Variants in MME observed in about 807,000 individuals in gnomAD.
MME encodes the protein neprilysin.
In MME, 98 loss-of-function variants were observed where a neutral mutation model predicts 113.2. The ratio of observed to expected loss-of-function variants is 0.87; its 90% CI spans 0.74 to 1.02. The LOEUF (loss-of-function observed/expected upper bound fraction) is 1.02. Ranked by LOEUF, MME falls within the 50% of genes least tolerant of loss-of-function variation. The pLI is 0.00. For synonymous variants in MME, 292 were observed against 300.6 expected (o/e 0.97, Z 0.30); for missense variants, 836 against 896.0 (o/e 0.93, Z 0.86).
At chr3:155,075,785 A>G (rs1576685338), upstream of MME, among the ~76,000 whole-genome samples, 1 of 152,288 alleles carries the variant, frequency 6.6e-6, no homozygotes, top group South Asian at 2.1e-4. Flanking sequence ...CCTCCTGAGT[A>G]GCTGGGACTA....
chr3:155,123,788 G>A (rs1333618252), intron 8 of MME, among the ~76,000 whole-genome samples: 1 of 66,244 alleles, frequency 1.5e-5, no homozygotes, highest in African/African-American at 5.2e-5. Context: ...CGAGAGATCC[G>A]TTGTTAGTCT....
intron 16 of MME, among the ~76,000 whole-genome samples, chr3:155,160,033 C>T (rs751379778): frequency 7.6e-4 from 115 of 151,942 alleles, no homozygotes; most frequent in Non-Finnish European, 4.6e-4. Context: ...GCTCCAGAAT[C>T]GTTGTCATAG....
At chr3:155,143,350 G>A in intron 12 of MME, 93 bp from the exon 13 acceptor site, 1 of 1,435,474 alleles carries the variant, frequency 7.0e-7, no homozygotes, top group Non-Finnish European at 9.7e-7. Context: ...AATATTTCAA[G>A]AACTTAGATG....
At position 155,172,600 on chromosome 3, in the gene MME, C is replaced by T. The variant is rs201412057; in HGVS notation, c.2141C>T (p.Pro714Leu). 11 of 1,611,820 alleles carry T rather than the reference C, an allele frequency of 6.8e-6. No individual in the cohort carries two copies. Among genetic ancestry groups the T allele is most frequent in the Admixed American group, 1.7e-5 (1 of 59,946 alleles). ...TCCATTAAAACAGATGTGCACAGTC[C>T]AGGCAATTTCAGGTGCGTGGATATG... Reference protein sequence around the residue: ...VNSIKTDVHSPGNFRIIGTLQ... With the variant: ...VNSIKTDVHSLGNFRIIGTLQ... The change falls in exon 22 of 23, where the codon CCA becomes CTA. Residue 714 changes from proline (P) to leucine (L), a missense_variant. Physicochemically the swap from Pro to Leu is moderately conservative, Grantham distance 98. Transcript: ENST00000360490.
chr3:155,033,013 T>G (rs1229145688), intron 1 of MME, among the ~76,000 whole-genome samples: 1 of 152,194 alleles, frequency 6.6e-6, no homozygotes, highest in Non-Finnish European at 1.5e-5. Context: ...GATGTAACTG[T>G]CATGGAATCT....
At position 155,166,925 on chromosome 3, in the gene MME, C is replaced by G. The variant is rs1334129894; in HGVS notation, c.1684C>G (p.Pro562Ala). 6.2e-7 allele frequency: 1 copy of G among 1,613,564 alleles called. No homozygotes were observed. Among genetic ancestry groups the G allele is most frequent in the African/African-American group, 1.3e-5 (1 of 74,878 alleles). ...QIVFPAGILQPPFFSAQQSNS... is the reference protein window; with the variant it reads ...QIVFPAGILQAPFFSAQQSNS... The stretch of plus-strand genomic sequence containing the variant: ...AGTCTTCCCAGCCGGCATTCTGCAG[C>G]CCCCCTTCTTTAGTGCCCAGCAGTC... The change falls in exon 18 of 23, where the codon CCC (proline) becomes GCC (alanine). Residue 562 changes from proline (P) to alanine (A), a missense_variant. Coordinates refer to ENST00000360490, the MANE Select transcript of MME (RefSeq NM_007289.4).
At chr3:155,062,771 T>C (rs1444729652) in intron 1 of MME, among the ~76,000 whole-genome samples, 7 of 151,982 alleles carry the variant, frequency 4.6e-5, no homozygotes, top group African/African-American at 1.2e-4. Context: ...AAGGAAAGAA[T>C]TGACTGGGCG....
At chr3:155,174,733 T>C in intron 22 of MME, among the ~76,000 whole-genome samples, 1 of 152,114 alleles carries the variant, frequency 6.6e-6, no homozygotes, top group East Asian at 1.9e-4. Context: ...AACCTATTGT[T>C]GTTTTATTCT....
Position 155,144,454 on chromosome 3 carries a change from A to G in MME, c.1413A>G (p.Glu471=), listed in dbSNP as rs1721355872. The change falls in exon 14 of 23, where the codon GAA becomes GAG. Residue 471 remains glutamate, a synonymous_variant. Coordinates refer to ENST00000360490, the MANE Select transcript of MME (RefSeq NM_007289.4). ...MDAETKKRAE[E]KALAIKERIG... is the part of the protein sequence containing the mutation. ...CCGAGACAAAAAAGAGAGCTGAAGA[A>G]AAGGTAAAGAGCAGACAGCTAACTA... The G allele has an allele frequency of 6.2e-7, 1 of 1,603,788 alleles. No individual in the cohort carries two copies. Among genetic ancestry groups the G allele is most frequent in the Admixed American group, 1.7e-5 (1 of 59,910 alleles).
Position 155,096,555 on chromosome 3 carries a change from G to A in MME, c.196+11461G>A, listed in dbSNP as rs564113026. 5.9e-5 allele frequency among the ~76,000 whole-genome samples: 9 copies of A among 152,224 alleles called. No individual in the cohort carries two copies. The South Asian group carries it at 1.9e-3, about 32-fold the overall frequency. On this transcript the variant is annotated intron_variant, in intron 3 of 22. Transcript: ENST00000360490. ...AGCGGTGGGAGGTCACAGAAGGAAG[G>A]GTTTTAAATGACGCATGACTTTATC...
chr3:155,161,778 T>C (rs1451503359), intron 17 of MME, among the ~76,000 whole-genome samples: 1 of 152,156 alleles, frequency 6.6e-6, no homozygotes, highest in African/African-American at 2.4e-5. Context: ...TGGCTTAAAA[T>C]TACTTAGCTC....
chr3:155,085,681 A>C (rs1250101109), intron 3 of MME: 1 of 152,418 alleles, frequency 6.6e-6, no homozygotes, highest in African/African-American at 2.4e-5. Flanking sequence ...ACAGGTACCC[A>C]CCACCACGCC....
Position 155,168,773 on chromosome 3 carries a change from T to C in MME, c.1956T>C (p.Asn652=), listed in dbSNP as rs200327691. ...INTLGENIAD[N]GGLGQAYRAY... ...CACTGGGAGAAAACATTGCTGATAA[T>C]GGAGGTCTTGGTCAAGCATACAGAG... Residue 652 remains asparagine, a synonymous_variant, in exon 20 of 23, where the codon AAT becomes AAC. Coordinates refer to ENST00000360490, the MANE Select transcript of MME (RefSeq NM_007289.4). 4 of 1,613,072 alleles carry C rather than the reference T, an allele frequency of 2.5e-6. No individual in the cohort carries two copies. The highest frequency in any genetic ancestry group is 3.4e-6 in the Non-Finnish European group (4 of 1,179,352).
intron 14 of MME, among the ~76,000 whole-genome samples, chr3:155,145,115 T>G (rs1721403103): frequency 6.6e-6 from 1 of 152,198 alleles, no homozygotes; most frequent in Admixed American, 6.5e-5. Context: ...TTTTTTCAGC[T>G]CTCAAAGAGC....
intron 1 of MME, among the ~76,000 whole-genome samples, chr3:155,037,045 G>T (rs573839044): frequency 3.9e-5 from 6 of 152,258 alleles, no homozygotes; most frequent in African/African-American, 1.4e-4. Context: ...AGATGTCAAG[G>T]TGTATTACTG....
rs536017263 is a variant in MME at position 155,161,678 on chromosome 3, G to A, written c.1660+1230G>A. Among the ~76,000 whole-genome samples the A allele has an allele frequency of 3.0e-4, 46 of 152,134 alleles. No homozygotes were observed. The South Asian group carries it at 6.4e-3, about 21-fold the overall frequency. On this transcript the variant is annotated intron_variant, in intron 17 of 22. Transcript: ENST00000360490. ...AAACCTGAATCCATCTGGAATTTAC[G>A]TTGGTACATGACCTGAAACTGAATT...
At chr3:155,175,758 G>T (rs1284140280) in intron 22 of MME, among the ~76,000 whole-genome samples, 1 of 127,546 alleles carries the variant, frequency 7.8e-6, no homozygotes, top group African/African-American at 3.5e-5. Context: ...TTTGTCTAGT[G>T]TTTTATATAG....
At chr3:155,171,359 G>C (rs904705069) in intron 20 of MME, among the ~76,000 whole-genome samples, 2 of 152,108 alleles carry the variant, frequency 1.3e-5, no homozygotes, top group Non-Finnish European at 2.9e-5. Flanking sequence ...TGGAAGAAAT[G>C]AAATATATTT....
In MME at chr3:155,116,936, A is replaced by G. The variant is rs201362937; in HGVS notation, c.604A>G (p.Asn202Asp). The change falls in exon 7 of 23, where the codon AAT (asparagine) becomes GAT (aspartate). Residue 202 changes from asparagine to aspartate, a missense_variant. Asn to Asp is a conservative substitution (Grantham distance 23). Transcript: ENST00000360490. ...TAAATATGGGAAAAAAGTCCTTATT[A>G]ATTTGTTTGTTGGCACTGATGATAA... The part of the protein sequence containing the change: ...NSKYGKKVLI[N>D]LFVGTDDKNS... The G allele has an allele frequency of 7.4e-6, 12 of 1,611,768 alleles. No individual in the cohort carries two copies. Among genetic ancestry groups the G allele is most frequent in the Non-Finnish European group, 9.3e-6 (11 of 1,178,220 alleles).
Sources: gnomAD v4.1 joint callset for allele counts (sites outside exome capture counted in the v4.1 genomes callset) on GRCh38, gnomAD v4.1.1 for gene constraint, MANE v1.5 for transcripts, NCBI Gene and HGNC (gene_info 2026-07-23, HGNC 2026-07-21) for gene names.